The following NEK7 variants were observed in gnomAD, a reference collection of about 807,000 sequenced individuals.
The protein encoded by NEK7 is serine/threonine-protein kinase Nek7.
A neutral mutation model predicts 44.6 loss-of-function variants in NEK7; 18 were observed. That is an observed-to-expected ratio of 0.40 (90% CI 0.28 to 0.60). The LOEUF (loss-of-function observed/expected upper bound fraction) is 0.60, where lower values mean the gene tolerates loss of function less well. Among genes scored for constraint, NEK7 ranks in the 20% least tolerant of loss-of-function variants. The probability of loss-of-function intolerance (pLI) is 0.38; values close to 1 mark genes in which losing one functional copy is unlikely to be tolerated. For synonymous variants in NEK7, 130 were observed against 121.1 expected (o/e 1.07, Z -0.48); for missense variants, 256 against 366.5 (o/e 0.70, Z 2.46).
intron 2 of NEK7, among the ~76,000 whole-genome samples, chr1:198,237,974 C>A (rs1666582653): frequency 6.6e-6 from 1 of 152,094 alleles, no homozygotes; most frequent in Admixed American, 6.6e-5. Flanking sequence ...CAGAGTGGTA[C>A]ACATAGTAGG....
chr1:198,231,670 T>C (rs748782899), intron 1 of NEK7, among the ~76,000 whole-genome samples: 8 of 152,046 alleles, frequency 5.3e-5, no homozygotes, highest in Non-Finnish European at 1.0e-4. Flanking sequence ...CATTAGTTCA[T>C]GGAAAGATAC....
intron 9 of NEK7, among the ~76,000 whole-genome samples, chr1:198,311,572 G>A (rs952525480): frequency 2.6e-5 from 4 of 151,736 alleles, no homozygotes; most frequent in African/African-American, 9.7e-5. Flanking sequence ...TTGGCTGTGG[G>A]TTTGTCATAG....
chr1:198,306,084 T>G (rs948412485), intron 9 of NEK7, among the ~76,000 whole-genome samples: 2 of 152,204 alleles, frequency 1.3e-5, no homozygotes, highest in Admixed American at 6.5e-5. Flanking sequence ...GTTACTACTC[T>G]ATAAAATTGT....
At chr1:198,292,733 C>T (rs1654597502) in intron 7 of NEK7, among the ~76,000 whole-genome samples, 1 of 151,776 alleles carries the variant, frequency 6.6e-6, no homozygotes, top group East Asian at 1.9e-4. Flanking sequence ...TTTAACCCAC[C>T]ACATTGTTTA....
chr1:198,217,080 A>G (rs55822634), intron 1 of NEK7, among the ~76,000 whole-genome samples: 51,035 of 151,786 alleles, frequency 0.34, 9,805 homozygotes, highest in East Asian at 0.8. Context: ...TGAGAAGGAG[A>G]GAATCCTCCT....
At chr1:198,181,377 A>G (rs560530143) in intron 1 of NEK7, among the ~76,000 whole-genome samples, 1 of 152,240 alleles carries the variant, frequency 6.6e-6, no homozygotes, top group Admixed American at 6.5e-5. Flanking sequence ...TAACTAATGC[A>G]TAGCATCCCA....
At chr1:198,210,039 C>T (rs1665717800) in intron 1 of NEK7, among the ~76,000 whole-genome samples, 1 of 152,182 alleles carries the variant, frequency 6.6e-6, no homozygotes, top group Non-Finnish European at 1.5e-5. Flanking sequence ...CTTAGGCAGT[C>T]CGCCTGCCTG....
At chr1:198,317,877 A>ATTGTTTTTTTTTTTT in intron 9 of NEK7, among the ~76,000 whole-genome samples, 1 of 70,268 alleles carries the variant, frequency 1.4e-5, no homozygotes, top group Non-Finnish European at 2.4e-5. Flanking sequence ...GGATATATTT[A>ATTGTTTTTTTTTTTT]TTTTTTTTTT....
intron 1 of NEK7, among the ~76,000 whole-genome samples, chr1:198,194,647 T>G (rs1444339880): frequency 1.3e-5 from 2 of 152,184 alleles, no homozygotes. Context: ...GGACATAATC[T>G]CCTTCTTTTT....
chr1:198,195,673 A>C (rs1431569239), intron 1 of NEK7, among the ~76,000 whole-genome samples: 3 of 152,044 alleles, frequency 2.0e-5, no homozygotes, highest in East Asian at 3.9e-4. Flanking sequence ...CAAAATACAA[A>C]AATTAGCCAG....
rs760023659 is a variant in NEK7, at chr1:198,319,557, T to C, written c.*35T>C. ...ATCATGAAGAGTGTAACCAAAGTAA[T>C]TGAAAGTATTTTGTGCAAGTCATAC... is the stretch of plus-strand genomic sequence containing the variant. On this transcript the variant is annotated 3_prime_UTR_variant, in exon 10 of 10. Transcript: ENST00000367385. The C allele has an allele frequency of 2.4e-5, 38 of 1,566,838 alleles. No homozygotes were observed. The highest frequency in any genetic ancestry group is 3.1e-5 in the Non-Finnish European group (36 of 1,156,408).
At chr1:198,171,990 A>G (rs762953079) in intron 1 of NEK7, among the ~76,000 whole-genome samples, 5 of 152,196 alleles carry the variant, frequency 3.3e-5, no homozygotes, top group Non-Finnish European at 5.9e-5. Flanking sequence ...TTATATTGTA[A>G]AAGTCTGTTT....
chr1:198,303,889 T>A (rs1274540347), intron 9 of NEK7, among the ~76,000 whole-genome samples: 1 of 152,152 alleles, frequency 6.6e-6, no homozygotes, highest in Non-Finnish European at 1.5e-5. Flanking sequence ...AATATATAAT[T>A]GTGCCATTAT....
chr1:198,184,430 T>C (rs750940641), intron 1 of NEK7, among the ~76,000 whole-genome samples: 2 of 152,216 alleles, frequency 1.3e-5, no homozygotes, highest in Non-Finnish European at 2.9e-5. Context: ...TGTTGGAAAA[T>C]GTAGAATATA....
At chr1:198,200,345 T>G (rs950176767) in intron 1 of NEK7, among the ~76,000 whole-genome samples, 1 of 152,182 alleles carries the variant, frequency 6.6e-6, no homozygotes, top group African/African-American at 2.4e-5. Context: ...TTGGCCAGCT[T>G]GCTTTTTTTT....
At chr1:198,225,015 A>G (rs1391874042) in intron 1 of NEK7, among the ~76,000 whole-genome samples, 1 of 152,060 alleles carries the variant, frequency 6.6e-6, no homozygotes, top group Non-Finnish European at 1.5e-5. Flanking sequence ...TGAAGATACA[A>G]ATTTCAGAGT....
At chr1:198,247,676 C>T (rs1382176043) in intron 2 of NEK7, among the ~76,000 whole-genome samples, 2 of 151,322 alleles carry the variant, frequency 1.3e-5, no homozygotes, top group Non-Finnish European at 2.9e-5. Context: ...TTTTGGACTT[C>T]TAGAAGAAGA....
chr1:198,180,784 TA>T (rs1422469519), intron 1 of NEK7, among the ~76,000 whole-genome samples: 2 of 152,124 alleles, frequency 1.3e-5, no homozygotes, highest in Admixed American at 6.6e-5. Flanking sequence ...CCTTATTAAA[TA>T]AATTATGTTC....
intron 1 of NEK7, among the ~76,000 whole-genome samples, chr1:198,213,038 G>A (rs548898531): frequency 1.2e-4 from 19 of 152,192 alleles, no homozygotes; most frequent in East Asian, 3.9e-4. Flanking sequence ...ACATCTTCCC[G>A]CCCACCCCCA....
Sources: gnomAD v4.1 joint callset for allele counts (sites outside exome capture counted in the v4.1 genomes callset) on GRCh38, gnomAD v4.1.1 for gene constraint, MANE v1.5 for transcripts, NCBI Gene and HGNC (gene_info 2026-07-23, HGNC 2026-07-21) for gene names.